SHB: variants seen among roughly 807,000 people sequenced by gnomAD.
SHB encodes SH2 domain containing adaptor protein B, also known as SH2 domain-containing adapter protein B.
In SHB, 20 loss-of-function variants were observed where a neutral mutation model predicts 52.3. The observed-to-expected ratio is 0.38, with a 90% confidence interval of 0.27 to 0.56. The LOEUF (loss-of-function observed/expected upper bound fraction) is 0.56. SHB is among the 20% of genes least tolerant of loss of function. The pLI, the probability that SHB is intolerant of heterozygous loss-of-function variation, is 0.71. For synonymous variants in SHB, 397 were observed against 316.5 expected, an observed-to-expected ratio of 1.25 and a Z score of -2.70; for missense variants, 825 against 723.3, an observed-to-expected ratio of 1.14 and a Z score of -1.61.
rs896914599 is a variant in SHB at position 38,025,275 on chromosome 9, T to A, written c.718-9144A>T. On this transcript the variant is annotated intron_variant, in intron 1 of 5. Transcript: ENST00000377707. ...GAGCCACTGACTTAGCCGCCCCTCA[T>A]TCTCCCCTCAACTCCTACTTGGCTC... Among the ~76,000 whole-genome samples, 3 of 152,204 alleles carry A rather than the reference T, an allele frequency of 2.0e-5. No individual in the cohort carries two copies. The East Asian group carries it at 5.8e-4, about 29-fold the overall frequency.
chr9:38,027,076 G>A (rs546277663), intron 1 of SHB, among the ~76,000 whole-genome samples: 37 of 152,342 alleles, frequency 2.4e-4, no homozygotes, highest in African/African-American at 8.4e-4. Flanking sequence ...CTATGTGTAG[G>A]CCTGTCTGCT....
At chr9:37,927,569 T>C (rs1357485480) in intron 5 of SHB, among the ~76,000 whole-genome samples, 3 of 152,206 alleles carry the variant, frequency 2.0e-5, no homozygotes, top group Non-Finnish European at 2.9e-5. Flanking sequence ...GGCGAACATG[T>C]AGAGGCATAA....
chr9:37,950,101 G>A (rs1832547482), intron 4 of SHB, among the ~76,000 whole-genome samples: 1 of 152,046 alleles, frequency 6.6e-6, no homozygotes, highest in Non-Finnish European at 1.5e-5. Flanking sequence ...ACCATACCTG[G>A]CTATTTTAAA....
At chr9:38,016,232 G>A in intron 1 of SHB, 101 bp from the exon 2 acceptor site, 2 of 1,290,012 alleles carry the variant, frequency 1.6e-6, no homozygotes, top group East Asian at 2.4e-5. Context: ...AGCAAGGAGA[G>A]GCAGGGGAGG....
At chr9:38,067,654 G>T (rs1037850431) in intron 1 of SHB, among the ~76,000 whole-genome samples, 3 of 152,150 alleles carry the variant, frequency 2.0e-5, no homozygotes, top group African/African-American at 7.2e-5. Context: ...CAGAAGGACT[G>T]ACTGGGTCCG....
In SHB at chr9:37,955,991, T is replaced by C. The variant is rs1832627008; in HGVS notation, c.1118A>G (p.Gln373Arg). 2 of 1,597,324 alleles carry C rather than the reference T, an allele frequency of 1.3e-6. No individual in the cohort carries two copies. The highest frequency in any genetic ancestry group is 1.7e-6 in the Non-Finnish European group (2 of 1,172,888). The change falls in exon 4 of 6, where the codon CAG (glutamine) becomes CGG (arginine). Residue 373 changes from glutamine (Q) to arginine (R), a missense_variant. Physicochemically the swap from Gln to Arg is conservative, Grantham distance 43 (BLOSUM62 1). Transcript: ENST00000377707. ...SPSPSRDRRR[Q>R]LRAPGGGFKP... ...AAAGCCCCCTCCAGGGGCACGAAGC[T>C]GGCGCCGCCGGTCCCGCGAAGGTGA...
intron 3 of SHB, among the ~76,000 whole-genome samples, chr9:37,958,164 G>C (rs191531520): frequency 2.6e-5 from 4 of 152,332 alleles, no homozygotes; most frequent in Admixed American, 2.0e-4. Flanking sequence ...AGAAAGTATA[G>C]CTGGCTAATT....
chr9:37,947,566 T>C (rs535054835), intron 5 of SHB, among the ~76,000 whole-genome samples: 1 of 152,360 alleles, frequency 6.6e-6, no homozygotes, highest in African/African-American at 2.4e-5. Flanking sequence ...CCTCTGCCCA[T>C]GCCTGCCGCC....
intron 4 of SHB, among the ~76,000 whole-genome samples, chr9:37,953,421 GT>G (rs113257901): frequency 2.7e-4 from 39 of 146,822 alleles, no homozygotes; most frequent in Non-Finnish European, 3.2e-4. Context: ...TTGAGTCAAG[GT>G]TTTTTTTTTT....
intron 1 of SHB, among the ~76,000 whole-genome samples, chr9:38,064,352 C>T (rs185913348): frequency 2.8e-4 from 43 of 152,296 alleles, no homozygotes; most frequent in African/African-American, 9.9e-4. Flanking sequence ...CAAGCCCCTA[C>T]CTCTCTCACA....
chr9:37,968,531 A>G (rs1820556857), intron 3 of SHB, among the ~76,000 whole-genome samples: 1 of 152,230 alleles, frequency 6.6e-6, no homozygotes, highest in Non-Finnish European at 1.5e-5. Context: ...TGTGTCTTTT[A>G]TCTTTGCTAT....
chr9:38,016,053 C>T lies in SHB; in HGVS notation c.796G>A (p.Ala266Thr). Residue 266 changes from alanine (A) to threonine (T), a missense_variant, in exon 2 of 6, where the codon GCT becomes ACT. Ala to Thr is a moderately conservative substitution (Grantham distance 58). Coordinates refer to ENST00000377707, the MANE Select transcript of SHB (RefSeq NM_003028.3). ...GCCTCATAGGGCTCCATGTAGCCAG[C>T]ACTCTCCCCCTTTCCTGCTTTGCTC... Reference protein sequence around the residue: ...LKSKAGKGESAGYMEPYEAQR... With the variant: ...LKSKAGKGESTGYMEPYEAQR... 1.2e-6 allele frequency: 2 copies of T among 1,614,202 alleles called. No homozygotes were observed. The highest frequency in any genetic ancestry group is 2.7e-5 in the African/African-American group (2 of 75,076).
chr9:38,058,381 G>A (rs1478624179), intron 1 of SHB, among the ~76,000 whole-genome samples: 1 of 152,174 alleles, frequency 6.6e-6, no homozygotes, highest in Non-Finnish European at 1.5e-5. Flanking sequence ...GTGGCTGCTC[G>A]GGGCCAAAAC....
intron 1 of SHB, among the ~76,000 whole-genome samples, chr9:38,061,632 G>T (rs904987521): frequency 2.0e-5 from 3 of 152,228 alleles, no homozygotes; most frequent in African/African-American, 7.2e-5. Flanking sequence ...GGTCAGAAAT[G>T]CTCTGGGGGC....
intron 5 of SHB, among the ~76,000 whole-genome samples, chr9:37,933,585 T>C: frequency 6.6e-6 from 1 of 152,208 alleles, no homozygotes; most frequent in Non-Finnish European, 1.5e-5. Flanking sequence ...CCTGGATCTC[T>C]TTGCAAGCAA....
intron 1 of SHB, among the ~76,000 whole-genome samples, chr9:38,053,756 C>T (rs1485010030): frequency 6.6e-6 from 1 of 152,134 alleles, no homozygotes; most frequent in Non-Finnish European, 1.5e-5. Flanking sequence ...GCCCAAAGTT[C>T]AAAGCTGGAC....
At chr9:38,043,554 G>C (rs1046003089) in intron 1 of SHB, among the ~76,000 whole-genome samples, 1 of 152,166 alleles carries the variant, frequency 6.6e-6, no homozygotes, top group Admixed American at 6.5e-5. Flanking sequence ...GAGGGGAGAG[G>C]TATCGAGGGT....
chr9:38,028,121 C>A (rs1450451657), intron 1 of SHB, among the ~76,000 whole-genome samples: 1 of 152,082 alleles, frequency 6.6e-6, no homozygotes, highest in Non-Finnish European at 1.5e-5. Flanking sequence ...CAGGCTGCCT[C>A]CCCTCCCAAA....
chr9:37,951,782 G>A (rs1422447401), intron 4 of SHB, among the ~76,000 whole-genome samples: 1 of 152,234 alleles, frequency 6.6e-6, no homozygotes, highest in Non-Finnish European at 1.5e-5. Context: ...AGGGGACAAG[G>A]GGCTGAGGAA....
Sources: gnomAD v4.1 joint callset for allele counts (sites outside exome capture counted in the v4.1 genomes callset) on GRCh38, gnomAD v4.1.1 for gene constraint, MANE v1.5 for transcripts, NCBI Gene and HGNC (gene_info 2026-07-23, HGNC 2026-07-21) for gene names.